The following PTPRD variants were observed in gnomAD, a reference collection of about 807,000 sequenced individuals.
The protein encoded by PTPRD is receptor-type tyrosine-protein phosphatase delta.
In PTPRD, 34 loss-of-function variants were observed where a neutral mutation model predicts 214.5. That is an observed-to-expected ratio of 0.16 (90% CI 0.12 to 0.21). The LOEUF is 0.21. Ranked by LOEUF, PTPRD falls within the 10% of genes least tolerant of loss-of-function variation. The pLI is 1.00. For missense variants in PTPRD, 2,545 were observed against 2,398.7 expected (o/e 1.06, Z -1.27); for synonymous variants, 1,128 against 845.7 (o/e 1.33, Z -5.79).
intron 8 of PTPRD, among the ~76,000 whole-genome samples, chr9:9,477,974 A>C (rs1415722089): frequency 6.6e-6 from 1 of 152,210 alleles, no homozygotes; most frequent in Non-Finnish European, 1.5e-5. Flanking sequence ...AGGATTGATA[A>C]CCACTGGTCT....
chr9:8,687,537 CAAT>C (rs1322003910), intron 12 of PTPRD, among the ~76,000 whole-genome samples: 2 of 152,160 alleles, frequency 1.3e-5, no homozygotes, highest in Non-Finnish European at 2.9e-5. Context: ...CAACAAACAA[CAAT>C]GTGTACTGTG....
intron 11 of PTPRD, among the ~76,000 whole-genome samples, chr9:8,895,786 G>T (rs985269145): frequency 6.6e-6 from 1 of 152,178 alleles, no homozygotes; most frequent in Non-Finnish European, 1.5e-5. Context: ...CAGGTAGGAA[G>T]AGCCTTCTAG....
intron 35 of PTPRD, among the ~76,000 whole-genome samples, chr9:8,435,622 A>T (rs927559961): frequency 2.6e-5 from 4 of 152,126 alleles, no homozygotes; most frequent in African/African-American, 9.7e-5. Context: ...TGGCTTCATT[A>T]AGGGTCCTTG....
chr9:9,450,823 AT>A (rs2091935849), intron 8 of PTPRD, among the ~76,000 whole-genome samples: 1 of 151,686 alleles, frequency 6.6e-6, no homozygotes, highest in African/African-American at 2.4e-5. Flanking sequence ...ACTACCAACC[AT>A]TTTTCACTAA....
intron 8 of PTPRD, among the ~76,000 whole-genome samples, chr9:9,494,220 C>T (rs936866003): frequency 1.3e-5 from 2 of 152,136 alleles, no homozygotes; most frequent in Non-Finnish European, 2.9e-5. Context: ...TTGGAACAAG[C>T]TGTGAATATT....
chr9:9,024,344 T>G (rs12005267), intron 10 of PTPRD, among the ~76,000 whole-genome samples: 14 of 62,916 alleles, frequency 2.2e-4, no homozygotes, highest in Non-Finnish European at 4.6e-4. Flanking sequence ...CTTTGTTTTT[T>G]TTTGTTTGTT....
intron 3 of PTPRD, among the ~76,000 whole-genome samples, chr9:10,185,328 G>C (rs294849): frequency 6.6e-6 from 1 of 152,072 alleles, no homozygotes; most frequent in African/African-American, 2.4e-5. Context: ...CAATAATTTC[G>C]ATGATACTTT....
chr9:10,571,032 C>G, intron 2 of PTPRD, among the ~76,000 whole-genome samples: 1 of 151,994 alleles, frequency 6.6e-6, no homozygotes, highest in East Asian at 1.9e-4. Flanking sequence ...TGTGGCATTT[C>G]CATTAATCTT....
chr9:9,392,955 G>C (rs909289775), intron 9 of PTPRD, among the ~76,000 whole-genome samples: 2 of 152,142 alleles, frequency 1.3e-5, no homozygotes, highest in East Asian at 1.9e-4. Context: ...GAATGGGGTG[G>C]AGCCATGGAA....
chr9:9,195,528 G>A (rs1267056352), intron 9 of PTPRD, among the ~76,000 whole-genome samples: 1 of 152,024 alleles, frequency 6.6e-6, no homozygotes, highest in African/African-American at 2.4e-5. Context: ...TTTTCAGTGT[G>A]TTGATATTAA....
chr9:10,229,490 G>A (rs550810333), intron 3 of PTPRD, among the ~76,000 whole-genome samples: 21 of 152,158 alleles, frequency 1.4e-4, no homozygotes, highest in Non-Finnish European at 1.5e-5. Flanking sequence ...AAGAAAATGT[G>A]GCACATAAAC....
chr9:9,259,664 G>A (rs930765103), intron 9 of PTPRD, among the ~76,000 whole-genome samples: 14 of 151,922 alleles, frequency 9.2e-5, no homozygotes, highest in Admixed American at 9.2e-4. Context: ...GAAACTTAGT[G>A]ATGCTGCCAT....
chr9:8,430,427 C>A (rs112955863), intron 35 of PTPRD, among the ~76,000 whole-genome samples: 34 of 142,368 alleles, frequency 2.4e-4, no homozygotes, highest in African/African-American at 8.9e-4. Flanking sequence ...CATGCCACCA[C>A]GACAGGCTAA....
At chr9:9,254,190 T>A (rs2099976718) in intron 9 of PTPRD, among the ~76,000 whole-genome samples, 1 of 152,060 alleles carries the variant, frequency 6.6e-6, no homozygotes, top group African/African-American at 2.4e-5. Context: ...TGTGAGCACA[T>A]CTTATGGGGG....
At chr9:9,713,839 G>C (rs2097774703) in intron 7 of PTPRD, among the ~76,000 whole-genome samples, 1 of 152,050 alleles carries the variant, frequency 6.6e-6, no homozygotes, top group Non-Finnish European at 1.5e-5. Flanking sequence ...CAGGGCTTTG[G>C]AGAGTCTTAT....
chr9:8,819,299 T>C (rs189086486), intron 11 of PTPRD, among the ~76,000 whole-genome samples: 1 of 152,092 alleles, frequency 6.6e-6, no homozygotes, highest in Non-Finnish European at 1.5e-5. Context: ...ACAACATATG[T>C]GAGGTAGACT....
chr9:9,934,140 T>C (rs953444659), intron 5 of PTPRD, among the ~76,000 whole-genome samples: 16 of 148,702 alleles, frequency 1.1e-4, no homozygotes, highest in Non-Finnish European at 1.9e-4. Flanking sequence ...AGATCCAAAA[T>C]TGACACCCTA....
At chr9:10,278,925 C>T (rs932157631) in intron 3 of PTPRD, among the ~76,000 whole-genome samples, 8 of 152,040 alleles carry the variant, frequency 5.3e-5, no homozygotes, top group Non-Finnish European at 1.2e-4. Context: ...CAGGCACACA[C>T]CACCACGCCA....
chr9:9,978,959 T>A (rs1382741877), intron 4 of PTPRD, among the ~76,000 whole-genome samples: 1 of 151,990 alleles, frequency 6.6e-6, no homozygotes, highest in Non-Finnish European at 1.5e-5. Context: ...TCAGAAATCA[T>A]ACAAGCCAGA....
Sources: allele counts gnomAD v4.1 joint callset (sites outside exome capture counted in the v4.1 genomes callset), GRCh38; gene constraint gnomAD v4.1.1; transcripts MANE v1.5; gene names NCBI Gene and HGNC (gene_info 2026-07-23, HGNC 2026-07-21).